UGGT2: variants seen among roughly 807,000 people sequenced by gnomAD.
UGGT2 encodes UDP-glucose glycoprotein glucosyltransferase 2.
UGGT2 carries 180 observed loss-of-function variants against 192.1 expected under a neutral mutation model. That is an observed-to-expected ratio of 0.94 (90% CI 0.83 to 1.06). The LOEUF is 1.06. UGGT2 is among the 50% of genes least tolerant of loss of function. The probability of loss-of-function intolerance (pLI) is 0.00; values close to 1 mark genes in which losing one functional copy is unlikely to be tolerated. For missense variants in UGGT2, 1,849 were observed against 1,795.7 expected (o/e 1.03, Z -0.54); for synonymous variants, 580 against 591.0 (o/e 0.98, Z 0.27).
chr13:95,928,627 C>G (rs930986575), intron 17 of UGGT2, among the ~76,000 whole-genome samples: 5 of 151,834 alleles, frequency 3.3e-5, no homozygotes, highest in Non-Finnish European at 5.9e-5. Context: ...TCCCCACATC[C>G]CAGAAGGTGG....
intron 2 of UGGT2, among the ~76,000 whole-genome samples, chr13:96,029,192 T>C (rs1030043034): frequency 3.2e-4 from 49 of 152,282 alleles, no homozygotes; most frequent in African/African-American, 1.1e-3. Context: ...TGTACCATTC[T>C]TTTCCACATT....
At chr13:95,908,448 G>T (rs1254281714) in intron 20 of UGGT2, among the ~76,000 whole-genome samples, 5 of 151,778 alleles carry the variant, frequency 3.3e-5, no homozygotes, top group Non-Finnish European at 7.4e-5. Flanking sequence ...ACATAATCGT[G>T]AGATTCACCA....
chr13:95,856,854 A>C (rs1319128597), intron 33 of UGGT2, among the ~76,000 whole-genome samples: 1 of 152,172 alleles, frequency 6.6e-6, no homozygotes, highest in Non-Finnish European at 1.5e-5. Flanking sequence ...AGGATTAAAA[A>C]TACAAAGTAG....
chr13:95,983,770 G>A, intron 10 of UGGT2, 34 bp downstream of exon 10: 1 of 1,394,780 alleles, frequency 7.2e-7, no homozygotes, highest in Non-Finnish European at 9.8e-7. Flanking sequence ...GATATTAGTT[G>A]GGTAAATGTT....
intron 27 of UGGT2, among the ~76,000 whole-genome samples, chr13:95,882,869 G>C (rs927263594): frequency 6.6e-6 from 1 of 152,154 alleles, no homozygotes. Context: ...TGGATAGCAT[G>C]TTTAAAAGTT....
rs923972615 is a variant in UGGT2, at chr13:95,839,904, A to G, written c.4285-2702T>C. 3.3e-5 allele frequency among the ~76,000 whole-genome samples: 5 copies of G among 152,094 alleles called. No homozygotes were observed. The East Asian group carries it at 9.6e-4, about 29-fold the overall frequency. On this transcript the variant is annotated intron_variant, in intron 36 of 38. Transcript: ENST00000376747. ...TGACAATGGCATTGAGCATCTTTTC[A>G]TGTGTTTATTGGACATTTGTGTATC...
At chr13:96,023,255 TTAAG>T (rs1566835030) in intron 3 of UGGT2, 103 bp from the exon 4 acceptor site, 1 of 903,446 alleles carries the variant, frequency 1.1e-6, no homozygotes, top group Non-Finnish European at 1.5e-6. Context: ...TCAACTACTA[TTAAG>T]TTATTGCTCT....
chr13:95,915,688 C>T (rs1470249332), intron 20 of UGGT2, among the ~76,000 whole-genome samples: 7 of 152,148 alleles, frequency 4.6e-5, no homozygotes, highest in Non-Finnish European at 2.9e-5. Context: ...GCAGATTGGT[C>T]GACTCAGCTG....
intron 22 of UGGT2, among the ~76,000 whole-genome samples, chr13:95,895,686 C>T (rs2047926522): frequency 6.6e-6 from 1 of 151,804 alleles, no homozygotes; most frequent in Non-Finnish European, 1.5e-5. Flanking sequence ...ATTTTGAAAG[C>T]AATGGTCTAT....
Position 95,949,450 on chromosome 13 carries a change from A to T in UGGT2, c.1340T>A (p.Ile447Asn). ...CAAATCATCATTTTCTAAGTCATTA[A>T]TCCACTAGAAAAGAACGCAGACACT... ...LDIRHSSIMW[I>N]NDLENDDLYI... is the part of the protein sequence containing the mutation. The change falls in exon 13 of 39, where the codon ATT (isoleucine) becomes AAT (asparagine). Residue 447 changes from isoleucine to asparagine, a missense_variant. Physicochemically the swap from Ile to Asn is moderately radical, Grantham distance 149. Coordinates refer to ENST00000376747, the MANE Select transcript of UGGT2 (RefSeq NM_020121.4). The T allele has an allele frequency of 1.3e-6, 2 of 1,492,774 alleles. No individual in the cohort carries two copies. The highest frequency in any genetic ancestry group is 9.0e-7 in the Non-Finnish European group (1 of 1,115,606). The allele number at this position is 1,492,774 out of a possible 1,614,324, so 92.5% of individuals were successfully genotyped here.
chr13:95,858,541 G>A (rs1017075069), intron 33 of UGGT2, among the ~76,000 whole-genome samples: 5 of 152,084 alleles, frequency 3.3e-5, no homozygotes, highest in Non-Finnish European at 7.4e-5. Context: ...ACTGTTGCTG[G>A]AAGAAATAAG....
At chr13:96,052,724 GA>G (rs944549786) in intron 1 of UGGT2, among the ~76,000 whole-genome samples, 2 of 152,206 alleles carry the variant, frequency 1.3e-5, no homozygotes, top group Non-Finnish European at 2.9e-5. Context: ...AGAGATACAG[GA>G]AAAATATTAC....
At chr13:96,028,739 T>C (rs756118232) in intron 2 of UGGT2, among the ~76,000 whole-genome samples, 3 of 152,186 alleles carry the variant, frequency 2.0e-5, no homozygotes, top group Non-Finnish European at 4.4e-5. Flanking sequence ...AGACATGCTT[T>C]AGTAAAGAGT....
Position 95,905,172 on chromosome 13 carries a change from A to G in UGGT2, c.2296-2112T>C, listed in dbSNP as rs891105335. Among the ~76,000 whole-genome samples, 21 of 152,012 alleles carry G rather than the reference A, an allele frequency of 1.4e-4. No individual in the cohort carries two copies. The East Asian group carries it at 3.1e-3, about 22-fold the overall frequency. ...GTTTTTTTCGTGTAAATTTGTTTGC[A>G]TTCATTGTAGATTCTGGATATTAGC... On this transcript the variant is annotated intron_variant, in intron 20 of 38. Transcript: ENST00000376747.
At chr13:96,034,851 G>A (rs1042548790) in intron 1 of UGGT2, among the ~76,000 whole-genome samples, 4 of 152,168 alleles carry the variant, frequency 2.6e-5, no homozygotes, top group South Asian at 2.1e-4. Context: ...CACACTCACC[G>A]CCGCCCTGCA....
chr13:95,887,590 T>A (rs1279542116), intron 26 of UGGT2, among the ~76,000 whole-genome samples: 4 of 152,204 alleles, frequency 2.6e-5, no homozygotes, highest in Non-Finnish European at 1.5e-5. Flanking sequence ...AATTCCACCT[T>A]ATTTCCCATT....
At chr13:95,859,811 G>A (rs1889987654) in intron 32 of UGGT2, 136 bp from the exon 33 acceptor site, 3 of 571,034 alleles carry the variant, frequency 5.3e-6, no homozygotes, top group Non-Finnish European at 8.9e-6. Flanking sequence ...TACATGTGCA[G>A]AACATACAGG....
chr13:95,937,565 G>A (rs1380859400), intron 16 of UGGT2, among the ~76,000 whole-genome samples: 1 of 152,154 alleles, frequency 6.6e-6, no homozygotes, highest in Non-Finnish European at 1.5e-5. Flanking sequence ...CCTGCCACCT[G>A]CATTAGGCTA....
At chr13:95,988,120 G>A (rs1322606466) in intron 8 of UGGT2, among the ~76,000 whole-genome samples, 1 of 151,998 alleles carries the variant, frequency 6.6e-6, no homozygotes, top group African/African-American at 2.4e-5. Context: ...GCTCCCTCAA[G>A]ATTAGGGGTA....
Sources: allele counts gnomAD v4.1 joint callset (sites outside exome capture counted in the v4.1 genomes callset), GRCh38; gene constraint gnomAD v4.1.1; transcripts MANE v1.5; gene names NCBI Gene and HGNC (gene_info 2026-07-23, HGNC 2026-07-21).